PRICKLE1: variants seen among roughly 807,000 people sequenced by gnomAD.
The protein encoded by PRICKLE1 is prickle-like protein 1.
Under a neutral mutation model 70.2 loss-of-function variants are expected in PRICKLE1, and 14 were observed. That is an observed-to-expected ratio of 0.20 (90% CI 0.13 to 0.31). The LOEUF (loss-of-function observed/expected upper bound fraction) is 0.31. Ranked by LOEUF, PRICKLE1 falls within the 10% of genes least tolerant of loss-of-function variation. The pLI is 1.00. For missense variants in PRICKLE1, 821 were observed against 1,026.2 expected, an observed-to-expected ratio of 0.80 and a Z score of 2.73; for synonymous variants, 357 against 379.9, an observed-to-expected ratio of 0.94 and a Z score of 0.70.
At chr12:42,490,489 A>T (rs1939079409) in intron 1 of PRICKLE1, among the ~76,000 whole-genome samples, 1 of 152,222 alleles carries the variant, frequency 6.6e-6, no homozygotes, top group Non-Finnish European at 1.5e-5. Flanking sequence ...TAAGCAGAGA[A>T]GAGTGACATG....
chr12:42,471,370 A>G (rs1938315380), intron 2 of PRICKLE1, among the ~76,000 whole-genome samples: 1 of 152,226 alleles, frequency 6.6e-6, no homozygotes, highest in South Asian at 2.1e-4. Flanking sequence ...GACAGGAGAC[A>G]GGAATTTAGG....
intron 1 of PRICKLE1, among the ~76,000 whole-genome samples, chr12:42,560,145 TATTA>T (rs1940486445): frequency 7.7e-6 from 1 of 129,262 alleles, no homozygotes; most frequent in Non-Finnish European, 1.6e-5. Flanking sequence ...TTATTATTAT[TATTA>T]TTTTTGAGGC....
intron 1 of PRICKLE1, among the ~76,000 whole-genome samples, chr12:42,548,628 T>C (rs551088397): frequency 3.3e-5 from 5 of 152,308 alleles, no homozygotes; most frequent in Non-Finnish European, 7.3e-5. Flanking sequence ...TAGGCTCACT[T>C]TCAGAAGGTA....
At chr12:42,467,239 C>G (rs1196257438) in intron 5 of PRICKLE1, among the ~76,000 whole-genome samples, 1 of 151,970 alleles carries the variant, frequency 6.6e-6, no homozygotes, top group African/African-American at 2.4e-5. Flanking sequence ...GCCTCAGCCT[C>G]CTGAGTAGCT....
In PRICKLE1 at chr12:42,533,200, A is replaced by AT. The variant is rs145016139; in HGVS notation, c.-49+56264dup. ...GTTTACCATGTTATTCTGGGGATAG[A>AT]TTTTTTTTTCTTCTTTTTTTTTTTT... On this transcript the variant is annotated intron_variant, in intron 1 of 7. Coordinates refer to ENST00000345127, the MANE Select transcript of PRICKLE1 (RefSeq NM_153026.3). Among the ~76,000 whole-genome samples the AT allele has an allele frequency of 6.3e-4, 93 of 147,366 alleles. 2 individuals are homozygous for AT. Among genetic ancestry groups the AT allele is most frequent in the Admixed American group, 4.2e-3 (63 of 14,832 alleles).
At chr12:42,487,606 G>A (rs954324037) in intron 1 of PRICKLE1, among the ~76,000 whole-genome samples, 35 of 152,118 alleles carry the variant, frequency 2.3e-4, no homozygotes, top group African/African-American at 7.2e-4. Context: ...AGACTTAAAT[G>A]TCTATTATCT....
chr12:42,585,324 A>C (rs1940970160), intron 1 of PRICKLE1, among the ~76,000 whole-genome samples: 11 of 152,190 alleles, frequency 7.2e-5, no homozygotes, highest in Admixed American at 7.2e-4. Context: ...TGAAGCTGGA[A>C]AGGTCTAATC....
intron 1 of PRICKLE1, among the ~76,000 whole-genome samples, chr12:42,500,400 G>A (rs1207221954): frequency 6.6e-6 from 1 of 152,156 alleles, no homozygotes; most frequent in Non-Finnish European, 1.5e-5. Context: ...GTATCAGTAC[G>A]TACTAAGCAC....
intron 1 of PRICKLE1, among the ~76,000 whole-genome samples, chr12:42,497,123 A>C (rs962242382): frequency 1.3e-5 from 2 of 152,128 alleles, no homozygotes. Context: ...TCACTTGAAC[A>C]CACAGGCCAC....
intron 1 of PRICKLE1, among the ~76,000 whole-genome samples, chr12:42,513,825 G>A (rs943238304): frequency 2.0e-5 from 3 of 151,912 alleles, no homozygotes; most frequent in South Asian, 2.1e-4. Context: ...GTGAAACCTC[G>A]TCTCTACTAA....
chr12:42,518,074 T>A (rs377597210), intron 1 of PRICKLE1, among the ~76,000 whole-genome samples: 1 of 151,804 alleles, frequency 6.6e-6, no homozygotes, highest in South Asian at 2.1e-4. Context: ...AAAAGTTGGT[T>A]AAATTAAGAA....
chr12:42,470,905 C>CAA (rs201660544), intron 2 of PRICKLE1, among the ~76,000 whole-genome samples: 3 of 113,606 alleles, frequency 2.6e-5, no homozygotes, highest in Non-Finnish European at 3.8e-5. Context: ...GAATCCGTCT[C>CAA]AAAAAAAAAA....
At chr12:42,489,593 GA>G (rs1199026009) in intron 1 of PRICKLE1, 1 of 137,372 alleles carries the variant, frequency 7.3e-6, no homozygotes, top group African/African-American at 2.7e-5. Context: ...CCAGGAAGCA[GA>G]GGCTGCAGTG....
chr12:42,532,827 G>GC (rs1291598238), intron 1 of PRICKLE1, among the ~76,000 whole-genome samples: 1 of 151,808 alleles, frequency 6.6e-6, no homozygotes, highest in Non-Finnish European at 1.5e-5. Flanking sequence ...AACCCGGGAG[G>GC]CGGAGCTTGC....
rs1181921207 is a variant in PRICKLE1 at position 42,456,827 on chromosome 12, T to C, written c.*2982A>G. On this transcript the variant is annotated 3_prime_UTR_variant, in exon 8 of 8. Transcript: ENST00000345127. Reference sequence around the variant, plus strand: ...GTAAGGCAGTTGCTTCTTTCTTCCGTTGTAGATAGTCTTCTGTTATTGCTA... The same window carrying C: ...GTAAGGCAGTTGCTTCTTTCTTCCGCTGTAGATAGTCTTCTGTTATTGCTA... The C allele has an allele frequency of 6.6e-6, 1 of 152,178 alleles. No individual in the cohort carries two copies. Among genetic ancestry groups the C allele is most frequent in the Non-Finnish European group, 1.5e-5 (1 of 68,040 alleles). 9.4% of individuals were successfully genotyped at this position (152,178 alleles called of 1,614,324 possible). A position where few individuals can be genotyped will look rare whatever the true frequency, so the allele number is the denominator to read the frequency against.
intron 1 of PRICKLE1, among the ~76,000 whole-genome samples, chr12:42,528,267 T>C (rs1441376827): frequency 6.6e-6 from 1 of 151,858 alleles, no homozygotes; most frequent in Non-Finnish European, 1.5e-5. Context: ...AGACATGAGG[T>C]TTCATCATGT....
At chr12:42,512,599 CTGAGT>C (rs1314985500) in intron 1 of PRICKLE1, among the ~76,000 whole-genome samples, 1 of 152,106 alleles carries the variant, frequency 6.6e-6, no homozygotes, top group African/African-American at 2.4e-5. Flanking sequence ...TCTCTCTTTC[CTGAGT>C]TATTTATCTT....
chr12:42,548,605 C>T (rs188847690), intron 1 of PRICKLE1, among the ~76,000 whole-genome samples: 3 of 152,150 alleles, frequency 2.0e-5, no homozygotes, highest in Admixed American at 6.5e-5. Flanking sequence ...ACAGGAGTTC[C>T]GAAGAGCAAA....
chr12:42,529,838 G>T (rs1939875747), intron 1 of PRICKLE1, among the ~76,000 whole-genome samples: 1 of 152,028 alleles, frequency 6.6e-6, no homozygotes, highest in African/African-American at 2.4e-5. Flanking sequence ...AATGAGCCAA[G>T]ATTGCTCCAC....
Sources: allele counts gnomAD v4.1 joint callset (sites outside exome capture counted in the v4.1 genomes callset), GRCh38; gene constraint gnomAD v4.1.1; transcripts MANE v1.5; gene names NCBI Gene and HGNC (gene_info 2026-07-23, HGNC 2026-07-21).